MEIKIN: variants seen among roughly 807,000 people sequenced by gnomAD.
MEIKIN encodes the protein meiotic kinetochore factor, also known as meiosis-specific kinetochore protein.
rs6875493 is a variant in MEIKIN at position 131,926,864 on chromosome 5, T to C, written c.479-4923A>G. On this transcript the variant is annotated intron_variant, in intron 5 of 12. Transcript: ENST00000442687. ...TTTGTTTCTGTGGCATCAGGTATAATGTCTCATCTTGCACTTTGAATTTTA... is the reference window on the plus strand; with the variant it reads ...TTTGTTTCTGTGGCATCAGGTATAACGTCTCATCTTGCACTTTGAATTTTA... 5.8e-3 allele frequency among the ~76,000 whole-genome samples: 890 copies of C among 152,310 alleles called. 9 individuals carry two copies. Among genetic ancestry groups the C allele is most frequent in the African/African-American group, 0.021 (862 of 41,578 alleles).
intron 8 of MEIKIN, among the ~76,000 whole-genome samples, chr5:131,887,222 A>C (rs2149632135): frequency 6.6e-6 from 1 of 152,152 alleles, no homozygotes; most frequent in South Asian, 2.1e-4. Flanking sequence ...TTCTTAATCC[A>C]GTCTATCATT....
At chr5:131,822,454 A>G (rs958509103) in intron 11 of MEIKIN, among the ~76,000 whole-genome samples, 1 of 151,164 alleles carries the variant, frequency 6.6e-6, no homozygotes, top group African/African-American at 2.4e-5. Flanking sequence ...TTTTTTGTGT[A>G]TCTGTTGTAT....
chr5:131,938,216 G>C (rs1259714937), intron 4 of MEIKIN, among the ~76,000 whole-genome samples: 1 of 138,170 alleles, frequency 7.2e-6, no homozygotes, highest in Non-Finnish European at 1.5e-5. Context: ...ACCTAGGCTA[G>C]AGTGCTATGG....
intron 8 of MEIKIN, among the ~76,000 whole-genome samples, chr5:131,902,870 G>C (rs1429388589): frequency 6.6e-6 from 1 of 152,122 alleles, no homozygotes; most frequent in East Asian, 1.9e-4. Context: ...ACATACAGTA[G>C]AAAGTCGAAA....
rs535126531 is a variant in MEIKIN at position 131,828,002 on chromosome 5, G to A, written c.976-9139C>T. ...AGTTTGAGGCCGTGAACATGCCACC[G>A]CACTCCAGCCTGGGTGACAGAGCAA... is the stretch of plus-strand genomic sequence containing the variant. On this transcript the variant is annotated intron_variant, in intron 11 of 12. Coordinates refer to ENST00000442687, the MANE Select transcript of MEIKIN (RefSeq NM_001303622.2). 2.0e-5 allele frequency among the ~76,000 whole-genome samples: 3 copies of A among 150,610 alleles called. No homozygotes were observed. In the South Asian group the frequency reaches 6.3e-4, roughly 32 times the overall value.
Position 131,897,112 on chromosome 5 carries a change from G to T in MEIKIN, c.703+14703C>A, listed in dbSNP as rs991187649. Among the ~76,000 whole-genome samples the T allele has an allele frequency of 5.3e-5, 8 of 151,988 alleles. No individual in the cohort carries two copies. In the East Asian group the frequency reaches 7.7e-4, roughly 15 times the overall value. On this transcript the variant is annotated intron_variant, in intron 8 of 12. Transcript: ENST00000442687. ...AAATCTCTCAGCATTTGCTTGTCTG[G>T]AAAGGATTTTATTTCTCCTTCACTT...
intron 5 of MEIKIN, among the ~76,000 whole-genome samples, chr5:131,923,781 ATTT>A (rs1199265429): frequency 1.3e-5 from 2 of 151,434 alleles, no homozygotes; most frequent in Non-Finnish European, 2.9e-5. Flanking sequence ...TTGTTTCAAG[ATTT>A]TTTTAATTTT....
At chr5:131,870,419 G>A (rs959952800) in intron 9 of MEIKIN, among the ~76,000 whole-genome samples, 1 of 152,028 alleles carries the variant, frequency 6.6e-6, no homozygotes, top group East Asian at 1.9e-4. Context: ...ACCTGACGAT[G>A]GAGTTTTCCA....
intron 11 of MEIKIN, among the ~76,000 whole-genome samples, chr5:131,834,261 A>C (rs981481450): frequency 6.6e-6 from 1 of 152,244 alleles, no homozygotes; most frequent in East Asian, 1.9e-4. Flanking sequence ...ACGTGATTTG[A>C]TATACACATA....
chr5:131,882,880 G>A (rs891577516), intron 8 of MEIKIN, among the ~76,000 whole-genome samples: 1 of 152,090 alleles, frequency 6.6e-6, no homozygotes, highest in Non-Finnish European at 1.5e-5. Flanking sequence ...TGCCCCCCAG[G>A]TTTCCACAAG....
chr5:131,940,617 T>C (rs1377389479), intron 4 of MEIKIN, among the ~76,000 whole-genome samples: 1 of 152,190 alleles, frequency 6.6e-6, no homozygotes, highest in East Asian at 1.9e-4. Flanking sequence ...AATCTGTTTA[T>C]ATGGCAGTAA....
intron 6 of MEIKIN, 123 bp from the exon 7 acceptor site, chr5:131,917,048 C>A: frequency 2.7e-6 from 1 of 376,300 alleles, no homozygotes. Context: ...GTTTTTATGT[C>A]TGCCACTTAA....
intron 4 of MEIKIN, 33 bp downstream of exon 4, chr5:131,942,602 A>G: frequency 2.5e-6 from 1 of 398,292 alleles, no homozygotes; most frequent in Non-Finnish European, 4.4e-6. Flanking sequence ...GGAAAAACAG[A>G]AAGCTGAGGG....
At position 131,921,869 on chromosome 5, in the gene MEIKIN, A is replaced by G; in HGVS notation, c.551T>C (p.Val184Ala). 1 of 399,012 alleles carries G rather than the reference A, an allele frequency of 2.5e-6. No individual in the cohort carries two copies. Among genetic ancestry groups the G allele is most frequent in the Non-Finnish European group, 4.4e-6 (1 of 226,044 alleles). 24.7% of individuals were successfully genotyped at this position (399,012 alleles called of 1,614,324 possible). A position where few individuals can be genotyped will look rare whatever the true frequency, so the allele number is the denominator to read the frequency against. The change falls in exon 6 of 13, where the codon GTA becomes GCA. Residue 184 changes from valine (V) to alanine (A), a missense_variant. Coordinates refer to ENST00000442687, the MANE Select transcript of MEIKIN (RefSeq NM_001303622.2). ...NSTLLDTSKA[V>A]AIEKAPQFSN... ...AAACTGTGGTGCCTTCTCTATCGCT[A>G]CTGCTTTACTGGTATCCAGAAGAGT... is the stretch of plus-strand genomic sequence containing the variant.
At chr5:131,843,831 T>G (rs948937058) in intron 11 of MEIKIN, among the ~76,000 whole-genome samples, 4 of 152,234 alleles carry the variant, frequency 2.6e-5, no homozygotes, top group Non-Finnish European at 1.5e-5. Context: ...GTTCCAAAGC[T>G]GCTATCATAT....
Position 131,808,912 on chromosome 5 carries a change from C to T in MEIKIN, c.1100-1654G>A, listed in dbSNP as rs114326630. Among the ~76,000 whole-genome samples the T allele has an allele frequency of 4.7e-3, 715 of 152,108 alleles. 8 individuals carry two copies. The highest frequency in any genetic ancestry group is 0.016 in the African/African-American group (679 of 41,488). ...GCATCATGGTGAAACCCAGTCTCTA[C>T]AAAATACATAAAGATTAGGTAGGCA... On this transcript the variant is annotated intron_variant, in intron 12 of 12. Coordinates refer to ENST00000442687, the MANE Select transcript of MEIKIN (RefSeq NM_001303622.2).
intron 11 of MEIKIN, among the ~76,000 whole-genome samples, chr5:131,840,219 T>C (rs1267269394): frequency 1.3e-5 from 2 of 152,262 alleles, no homozygotes; most frequent in African/African-American, 4.8e-5. Context: ...GGGTTTGTGC[T>C]GAGAGTTTCA....
intron 8 of MEIKIN, among the ~76,000 whole-genome samples, chr5:131,901,589 A>C (rs555237304): frequency 2.6e-5 from 4 of 152,210 alleles, no homozygotes; most frequent in Non-Finnish European, 5.9e-5. Flanking sequence ...GGCACCACTC[A>C]TCAGAGTGCT....
chr5:131,888,740 G>A (rs181877077), intron 8 of MEIKIN, among the ~76,000 whole-genome samples: 18 of 152,166 alleles, frequency 1.2e-4, no homozygotes, highest in East Asian at 5.8e-4. Flanking sequence ...CAATTTTGGC[G>A]TTTGTTGCCA....
Sources: gnomAD v4.1 joint callset for allele counts (sites outside exome capture counted in the v4.1 genomes callset) on GRCh38, gnomAD v4.1.1 for gene constraint, MANE v1.5 for transcripts, NCBI Gene and HGNC (gene_info 2026-07-23, HGNC 2026-07-21) for gene names.